The following FGF12 variants were observed in gnomAD, a reference collection of about 807,000 sequenced individuals.
FGF12 encodes fibroblast growth factor 12B.
Under a neutral mutation model 23.6 loss-of-function variants are expected in FGF12, and 14 were observed. The observed-to-expected ratio is 0.59, with a 90% confidence interval of 0.39 to 0.93. The LOEUF (loss-of-function observed/expected upper bound fraction) is 0.93. FGF12 is among the 40% of genes least tolerant of loss of function. The pLI is 0.00. For synonymous variants in FGF12, 62 were observed against 77.3 expected (o/e 0.80, Z 1.04); for missense variants, 175 against 217.8 (o/e 0.80, Z 1.24).
chr3:192,611,091 A>G (rs532704423), intron 2 of FGF12, among the ~76,000 whole-genome samples: 7 of 152,188 alleles, frequency 4.6e-5, no homozygotes, highest in African/African-American at 1.7e-4. Flanking sequence ...CAAAGCCTAC[A>G]ATAGTGTTCA....
intron 2 of FGF12, among the ~76,000 whole-genome samples, chr3:192,507,327 G>T (rs1724340892): frequency 1.6e-5 from 2 of 124,680 alleles, no homozygotes; most frequent in Admixed American, 1.7e-4. Flanking sequence ...TAATGCATTT[G>T]ACCAAATACA....
chr3:192,488,402 C>A (rs1421363171), intron 2 of FGF12, among the ~76,000 whole-genome samples: 2 of 152,070 alleles, frequency 1.3e-5, no homozygotes, highest in Admixed American at 1.3e-4. Context: ...AGTCACATTT[C>A]TTTCCTCTTC....
chr3:192,665,097 T>C (rs938904709), intron 2 of FGF12, among the ~76,000 whole-genome samples: 10 of 152,166 alleles, frequency 6.6e-5, no homozygotes, highest in African/African-American at 2.4e-4. Flanking sequence ...GATTTCTGTA[T>C]TAGAGAGATT....
At chr3:192,481,900 CAG>C (rs1723490652) in intron 2 of FGF12, among the ~76,000 whole-genome samples, 1 of 152,144 alleles carries the variant, frequency 6.6e-6, no homozygotes, top group African/African-American at 2.4e-5. Context: ...AGCCTATAGT[CAG>C]AGAATAATAA....
At chr3:192,695,007 G>A in intron 2 of FGF12, among the ~76,000 whole-genome samples, 1 of 151,916 alleles carries the variant, frequency 6.6e-6, no homozygotes, top group East Asian at 1.9e-4. Flanking sequence ...TGCTAGGGGA[G>A]TAGATTTTAG....
chr3:192,595,994 G>A (rs1713824788), intron 2 of FGF12, among the ~76,000 whole-genome samples: 1 of 151,696 alleles, frequency 6.6e-6, no homozygotes, highest in African/African-American at 2.4e-5. Context: ...TTGGGAGGCT[G>A]AGGTGGGAGG....
In FGF12 at chr3:192,230,751, G is replaced by A. The variant is rs182979257; in HGVS notation, c.229-60095C>T. On this transcript the variant is annotated intron_variant, in intron 4 of 5. Coordinates refer to ENST00000445105, the MANE Select transcript of FGF12 (RefSeq NM_004113.6). ...AATCTCTTTATTTTTTACTGTCATA[G>A]GGTAACAGTCTCCATGTATAATTTT... is the stretch of plus-strand genomic sequence containing the variant. 1.2e-3 allele frequency among the ~76,000 whole-genome samples: 176 copies of A among 152,030 alleles called. 1 individual carries two copies. Among genetic ancestry groups the A allele is most frequent in the Admixed American group, 4.8e-3 (74 of 15,276 alleles).
At chr3:192,262,115 A>C (rs1439441793) in intron 4 of FGF12, among the ~76,000 whole-genome samples, 1 of 152,150 alleles carries the variant, frequency 6.6e-6, no homozygotes, top group Non-Finnish European at 1.5e-5. Context: ...AAACACAGCA[A>C]TTAGCTAACA....
intron 2 of FGF12, among the ~76,000 whole-genome samples, chr3:192,680,422 G>C (rs1717481415): frequency 6.6e-6 from 1 of 152,232 alleles, no homozygotes; most frequent in African/African-American, 2.4e-5. Context: ...CAGGAAAGCA[G>C]GTGGTGGTGG....
At chr3:192,323,925 T>C (rs1250251425) in intron 4 of FGF12, among the ~76,000 whole-genome samples, 1 of 151,818 alleles carries the variant, frequency 6.6e-6, no homozygotes, top group Admixed American at 6.6e-5. Flanking sequence ...ATACCATCTC[T>C]ACTAAAATAC....
At chr3:192,682,442 G>T (rs1203452418) in intron 2 of FGF12, among the ~76,000 whole-genome samples, 1 of 152,146 alleles carries the variant, frequency 6.6e-6, no homozygotes, top group African/African-American at 2.4e-5. Context: ...ACTAGCTTGG[G>T]AGATTCTCTT....
chr3:192,510,550 A>G (rs1161692209), intron 2 of FGF12, among the ~76,000 whole-genome samples: 2 of 152,190 alleles, frequency 1.3e-5, no homozygotes, highest in Non-Finnish European at 2.9e-5. Context: ...CAACTTTGAA[A>G]GACAGTTTGA....
intron 4 of FGF12, among the ~76,000 whole-genome samples, chr3:192,173,522 G>GT (rs1191286214): frequency 7.2e-6 from 1 of 139,246 alleles, no homozygotes; most frequent in Non-Finnish European, 1.6e-5. Flanking sequence ...ATTAAGTTCT[G>GT]TTTTTTTCCT....
At chr3:192,626,603 A>G (rs955313311) in intron 2 of FGF12, among the ~76,000 whole-genome samples, 2 of 152,046 alleles carry the variant, frequency 1.3e-5, no homozygotes, top group Admixed American at 6.6e-5. Context: ...ATACATGCCA[A>G]TTTGTTTGTT....
chr3:192,328,242 G>A (rs1052249271), intron 4 of FGF12, among the ~76,000 whole-genome samples: 2 of 152,204 alleles, frequency 1.3e-5, no homozygotes, highest in African/African-American at 4.8e-5. Context: ...GGTAATTTGT[G>A]TTTTCCTGAG....
chr3:192,337,319 C>A (rs548124721), intron 3 of FGF12, among the ~76,000 whole-genome samples: 1 of 151,954 alleles, frequency 6.6e-6, no homozygotes, highest in African/African-American at 2.4e-5. Context: ...CCTAAAGAAG[C>A]GGAAGTTGAG....
At chr3:192,617,542 A>G (rs147149423) in intron 2 of FGF12, among the ~76,000 whole-genome samples, 232 of 152,252 alleles carry the variant, frequency 1.5e-3, no homozygotes, top group African/African-American at 5.1e-3. Context: ...TTGGTGTTAT[A>G]AGAATGGGCA....
intron 4 of FGF12, among the ~76,000 whole-genome samples, chr3:192,277,746 T>A (rs541463892): frequency 4.6e-5 from 7 of 152,140 alleles, no homozygotes; most frequent in Non-Finnish European, 7.4e-5. Context: ...GCAGCTCCTA[T>A]CCCGTACACA....
At chr3:192,289,779 A>T (rs1168983908) in intron 4 of FGF12, among the ~76,000 whole-genome samples, 2 of 152,206 alleles carry the variant, frequency 1.3e-5, no homozygotes, top group African/African-American at 2.4e-5. Flanking sequence ...TTAGATGTCC[A>T]ATAAATGCCA....
Sources: gnomAD v4.1 joint callset for allele counts (sites outside exome capture counted in the v4.1 genomes callset) on GRCh38, gnomAD v4.1.1 for gene constraint, MANE v1.5 for transcripts, NCBI Gene and HGNC (gene_info 2026-07-23, HGNC 2026-07-21) for gene names.